Variants in CATSPERE observed in about 807,000 individuals in gnomAD.
CATSPERE encodes the protein catsper channel auxiliary subunit epsilon.
In CATSPERE, 93 loss-of-function variants were observed where a neutral mutation model predicts 114.1. The ratio of observed to expected loss-of-function variants is 0.81; its 90% CI spans 0.69 to 0.97. The LOEUF (loss-of-function observed/expected upper bound fraction) is 0.97, where lower values mean the gene tolerates loss of function less well. Among genes scored for constraint, CATSPERE ranks in the 50% least tolerant of loss-of-function variants. CATSPERE has a pLI of 0.00. For missense variants in CATSPERE, 1,058 were observed against 1,131.6 expected (o/e 0.93, Z 0.93); for synonymous variants, 341 against 384.1 (o/e 0.89, Z 1.31).
upstream of CATSPERE, among the ~76,000 whole-genome samples, chr1:244,460,676 G>A (rs1461676961): frequency 6.6e-6 from 1 of 152,282 alleles, no homozygotes; most frequent in East Asian, 1.9e-4. Context: ...CACTTTGGGA[G>A]GCTGAGGCGG....
intron 8 of CATSPERE, among the ~76,000 whole-genome samples, chr1:244,541,236 A>G (rs1028796088): frequency 3.4e-4 from 52 of 151,246 alleles, no homozygotes; most frequent in African/African-American, 1.2e-3. Flanking sequence ...AAAATGGGAG[A>G]AAATTTTCAC....
intron 7 of CATSPERE, among the ~76,000 whole-genome samples, chr1:244,508,940 G>T (rs1039557994): frequency 6.6e-6 from 1 of 151,010 alleles, no homozygotes; most frequent in Admixed American, 6.6e-5. Context: ...GTTTGAGGCT[G>T]CAGTGAGCCA....
chr1:244,522,950 G>A (rs199530846), intron 8 of CATSPERE, among the ~76,000 whole-genome samples: 28 of 152,078 alleles, frequency 1.8e-4, no homozygotes, highest in East Asian at 1.7e-3. Flanking sequence ...ATTCCAATCA[G>A]TAGAAAAAGA....
chr1:244,503,587 C>A (rs1042385897), intron 7 of CATSPERE, among the ~76,000 whole-genome samples: 1 of 152,076 alleles, frequency 6.6e-6, no homozygotes, highest in South Asian at 2.1e-4. Context: ...AAAATAATTT[C>A]TTTTTAAAAT....
chr1:244,468,658 C>T (rs1223914322), intron 2 of CATSPERE, among the ~76,000 whole-genome samples: 1 of 152,120 alleles, frequency 6.6e-6, no homozygotes, highest in East Asian at 1.9e-4. Flanking sequence ...GTGGCTTATG[C>T]CTGTAATCCC....
At chr1:244,628,938 A>G (rs1673547382) in intron 20 of CATSPERE, among the ~76,000 whole-genome samples, 1 of 152,218 alleles carries the variant, frequency 6.6e-6, no homozygotes, top group Non-Finnish European at 1.5e-5. Context: ...ACTTCATGAC[A>G]GAGTTCATTT....
chr1:244,539,523 G>A (rs962494013), intron 8 of CATSPERE, among the ~76,000 whole-genome samples: 46 of 129,226 alleles, frequency 3.6e-4, no homozygotes, highest in African/African-American at 1.2e-3. Flanking sequence ...TTTTTCTATT[G>A]ATTGGAATAG....
chr1:244,465,038 C>CTTT (rs1205339880), intron 2 of CATSPERE, among the ~76,000 whole-genome samples: 1 of 141,126 alleles, frequency 7.1e-6, no homozygotes. Flanking sequence ...TTGGAGGCTC[C>CTTT]TTTTTTTTTT....
chr1:244,480,477 T>C (rs1300322015), intron 5 of CATSPERE, among the ~76,000 whole-genome samples: 1 of 152,202 alleles, frequency 6.6e-6, no homozygotes, highest in Non-Finnish European at 1.5e-5. Context: ...GGGGAAACTA[T>C]TCCTCCGTAT....
intron 11 of CATSPERE, among the ~76,000 whole-genome samples, chr1:244,577,753 A>C (rs1015845671): frequency 6.6e-6 from 1 of 152,230 alleles, no homozygotes; most frequent in Non-Finnish European, 1.5e-5. Context: ...TTAACACATA[A>C]GTTTTAGAGG....
At chr1:244,563,459 A>C (rs1446066381) in intron 10 of CATSPERE, among the ~76,000 whole-genome samples, 1 of 152,182 alleles carries the variant, frequency 6.6e-6, no homozygotes, top group African/African-American at 2.4e-5. Context: ...TCACCATTCT[A>C]ACTGACGTGA....
intron 19 of CATSPERE, among the ~76,000 whole-genome samples, chr1:244,616,349 A>T (rs2813908): frequency 0.98 from 149,827 of 152,322 alleles, 73,737 homozygotes; most frequent in East Asian, 1. Flanking sequence ...GACTGGGAAG[A>T]TGTTCATGAA....
chr1:244,528,386 A>C (rs1297741323), intron 8 of CATSPERE, among the ~76,000 whole-genome samples: 1 of 152,246 alleles, frequency 6.6e-6, no homozygotes, highest in Non-Finnish European at 1.5e-5. Context: ...GGAATGATAA[A>C]AGCAAATCAT....
intron 10 of CATSPERE, among the ~76,000 whole-genome samples, chr1:244,570,854 C>T (rs1177975543): frequency 1.3e-5 from 2 of 152,102 alleles, no homozygotes; most frequent in Non-Finnish European, 2.9e-5. Flanking sequence ...GCATTCCAAG[C>T]TGAGAATACA....
intron 2 of CATSPERE, among the ~76,000 whole-genome samples, chr1:244,474,387 C>T (rs1375074211): frequency 1.3e-5 from 2 of 152,002 alleles, no homozygotes; most frequent in Non-Finnish European, 2.9e-5. Context: ...CATTCTCTCC[C>T]ATATTTTTTA....
At chr1:244,582,367 T>C (rs998376361) in intron 12 of CATSPERE, among the ~76,000 whole-genome samples, 2 of 151,622 alleles carry the variant, frequency 1.3e-5, no homozygotes, top group African/African-American at 4.8e-5. Flanking sequence ...AAAAATAGCA[T>C]ATTTTCCCTA....
At chr1:244,541,246 C>T (rs1415282892) in intron 8 of CATSPERE, among the ~76,000 whole-genome samples, 5 of 151,060 alleles carry the variant, frequency 3.3e-5, no homozygotes, top group African/African-American at 4.9e-5. Context: ...AAAATTTTCA[C>T]AACTTACTCA....
At chr1:244,477,484 C>A in intron 2 of CATSPERE, 57 bp from the exon 3 acceptor site, 2 of 939,344 alleles carry the variant, frequency 2.1e-6, no homozygotes, top group Non-Finnish European at 1.7e-6. Flanking sequence ...ACAACGGAAC[C>A]CTGAGGTGAA....
intron 14 of CATSPERE, 139 bp from the exon 15 acceptor site, chr1:244,591,542 A>G (rs1388450608): frequency 5.4e-6 from 3 of 551,048 alleles, no homozygotes; most frequent in Non-Finnish European, 9.8e-6. Context: ...AAGGCTACAC[A>G]CTAACCAGAG....
Sources: allele counts gnomAD v4.1 joint callset (sites outside exome capture counted in the v4.1 genomes callset), GRCh38; gene constraint gnomAD v4.1.1; transcripts MANE v1.5; gene names NCBI Gene and HGNC (gene_info 2026-07-23, HGNC 2026-07-21).